The following NANS variants were observed in gnomAD, a reference collection of about 807,000 sequenced individuals.
The protein encoded by NANS is N-acetylneuraminate-9-phosphate synthase.
NANS carries 29 observed loss-of-function variants against 33.3 expected under a neutral mutation model. The ratio of observed to expected loss-of-function variants is 0.87; its 90% CI spans 0.65 to 1.19. The LOEUF is 1.19. Among genes scored for constraint, NANS ranks in the 50% most tolerant of loss-of-function variants. The pLI is 0.00. For synonymous variants in NANS, 163 were observed against 177.2 expected (o/e 0.92, Z 0.64); for missense variants, 394 against 461.1 (o/e 0.85, Z 1.33).
chr9:98,073,279 T>A (rs1180197410), intron 2 of NANS, among the ~76,000 whole-genome samples: 2 of 113,394 alleles, frequency 1.8e-5, no homozygotes, highest in Non-Finnish European at 3.8e-5. Context: ...GGCTTTTTTT[T>A]TTTTTTTTTT....
chr9:98,070,494 C>G (rs1016167860), intron 2 of NANS, among the ~76,000 whole-genome samples: 1 of 152,094 alleles, frequency 6.6e-6, no homozygotes, highest in African/African-American at 2.4e-5. Flanking sequence ...GATCTTGGCT[C>G]ACTGCAACTT....
chr9:98,067,401 C>T lies in NANS; in HGVS notation c.348+6404C>T, dbSNP rs115000484. ...GATGGTGCCAGTTGCTTCACATCCTCATCATTTGTGATTACCTCCTGATTC... is the reference window on the plus strand; with the variant it reads ...GATGGTGCCAGTTGCTTCACATCCTTATCATTTGTGATTACCTCCTGATTC... On this transcript the variant is annotated intron_variant, in intron 2 of 5. Transcript: ENST00000210444. Among the ~76,000 whole-genome samples the T allele has an allele frequency of 4.6e-3, 707 of 152,290 alleles. 3 individuals are homozygous for T. Among genetic ancestry groups the T allele is most frequent in the African/African-American group, 0.016 (669 of 41,574 alleles).
intron 2 of NANS, among the ~76,000 whole-genome samples, chr9:98,064,239 T>C (rs539626570): frequency 6.6e-6 from 1 of 152,308 alleles, no homozygotes; most frequent in Admixed American, 6.5e-5. Context: ...AGTTGTGTAC[T>C]TAACAATCCT....
chr9:98,058,084 G>A (rs942739224), intron 1 of NANS, among the ~76,000 whole-genome samples: 1 of 151,542 alleles, frequency 6.6e-6, no homozygotes, highest in Non-Finnish European at 1.5e-5. Flanking sequence ...CCACCATGCT[G>A]GGCTAATTTT....
intron 2 of NANS, among the ~76,000 whole-genome samples, chr9:98,069,048 T>C (rs1342175625): frequency 1.3e-5 from 2 of 152,208 alleles, no homozygotes; most frequent in African/African-American, 4.8e-5. Context: ...TAAAGCTAGA[T>C]AATGTGTTTA....
At chr9:98,073,261 T>A in intron 2 of NANS, among the ~76,000 whole-genome samples, 1 of 128,914 alleles carries the variant, frequency 7.8e-6, no homozygotes, top group Non-Finnish European at 1.6e-5. Context: ...CCCCAGCTCA[T>A]CACCATGGGC....
At chr9:98,071,971 G>A (rs1018834404) in intron 2 of NANS, among the ~76,000 whole-genome samples, 2 of 152,202 alleles carry the variant, frequency 1.3e-5, no homozygotes, top group East Asian at 3.8e-4. Flanking sequence ...CGGAGCAGTT[G>A]GGTGATAGGG....
At chr9:98,059,235 G>T (rs377216390) in intron 1 of NANS, among the ~76,000 whole-genome samples, 8 of 152,094 alleles carry the variant, frequency 5.3e-5, no homozygotes, top group African/African-American at 1.9e-4. Context: ...ATGTTAGCCA[G>T]GATGGTCTCG....
At chr9:98,081,428 T>C (rs962359261) in intron 5 of NANS, 4 of 243,924 alleles carry the variant, frequency 1.6e-5, no homozygotes, top group Non-Finnish European at 3.2e-5. Flanking sequence ...AAGTCTGGGC[T>C]CCCTTGGAGC....
At chr9:98,077,134 A>T (rs1002704543) in intron 3 of NANS, 117 bp downstream of exon 3, 1 of 746,900 alleles carries the variant, frequency 1.3e-6, no homozygotes, top group Non-Finnish European at 2.1e-6. Context: ...GCCTCTTTTC[A>T]TTTTTTTAAA....
chr9:98,079,189 C>T (rs915155730), intron 4 of NANS, among the ~76,000 whole-genome samples: 1 of 152,200 alleles, frequency 6.6e-6, no homozygotes, highest in African/African-American at 2.4e-5. Flanking sequence ...AAAGCTGGAA[C>T]TAGAACCTGG....
At chr9:98,058,546 C>T (rs1828890611) in intron 1 of NANS, among the ~76,000 whole-genome samples, 1 of 152,154 alleles carries the variant, frequency 6.6e-6, no homozygotes, top group Admixed American at 6.5e-5. Context: ...AGGGAAATTC[C>T]CACTCTTAAT....
chr9:98,065,308 CTT>C (rs758040892), intron 2 of NANS, among the ~76,000 whole-genome samples: 169 of 92,750 alleles, frequency 1.8e-3, no homozygotes, highest in Middle Eastern at 0.016. Context: ...ACTCCTGGTG[CTT>C]TTTTTTTTTT....
intron 2 of NANS, among the ~76,000 whole-genome samples, chr9:98,070,711 C>T (rs760913536): frequency 2.5e-4 from 38 of 152,016 alleles, no homozygotes; most frequent in Non-Finnish European, 5.0e-4. Flanking sequence ...TGAGCCATCG[C>T]GCCTGGTCAC....
In NANS at chr9:98,075,727, T is replaced by C. The variant is rs139814676; in HGVS notation, c.349-1191T>C. On this transcript the variant is annotated intron_variant, in intron 2 of 5. Coordinates refer to ENST00000210444, the MANE Select transcript of NANS (RefSeq NM_018946.4). ...AAAACAAAGGGACTCAAGAAAACTT[T>C]TGAAGGTGATGTGTATGTTTATTAC... 3 of 152,300 alleles carry C rather than the reference T, an allele frequency of 2.0e-5. No homozygotes were observed. The South Asian group carries it at 6.2e-4, about 32-fold the overall frequency. The allele number at this position is 152,300 out of a possible 1,614,324, so 9.4% of individuals were successfully genotyped here.
chr9:98,074,844 G>C (rs112708106), intron 2 of NANS: 6 of 152,152 alleles, frequency 3.9e-5, no homozygotes, highest in Non-Finnish European at 5.9e-5. Context: ...TCAGTGGAAG[G>C]TTCCTTCTTT....
chr9:98,080,758 G>A, intron 4 of NANS, 58 bp from the exon 5 acceptor site: 1 of 1,519,280 alleles, frequency 6.6e-7, no homozygotes, highest in Non-Finnish European at 8.8e-7. Context: ...GCTTCACCTG[G>A]AGAATATGCA....
intron 2 of NANS, among the ~76,000 whole-genome samples, chr9:98,070,002 G>A (rs1829265739): frequency 1.3e-5 from 2 of 152,160 alleles, no homozygotes; most frequent in South Asian, 4.1e-4. Flanking sequence ...ATTACCATTG[G>A]GGGAAACTGG....
intron 2 of NANS, chr9:98,076,182 C>T (rs1829583121): frequency 6.6e-6 from 1 of 152,144 alleles, no homozygotes; most frequent in Admixed American, 6.5e-5. Flanking sequence ...CCATTTTCCC[C>T]CTTTCGCCAA....
Sources: gnomAD v4.1 joint callset for allele counts (sites outside exome capture counted in the v4.1 genomes callset) on GRCh38, gnomAD v4.1.1 for gene constraint, MANE v1.5 for transcripts, NCBI Gene and HGNC (gene_info 2026-07-23, HGNC 2026-07-21) for gene names.